CUL1: variants seen among roughly 807,000 people sequenced by gnomAD.
CUL1 encodes cullin 1, also known as cullin-1.
Under a neutral mutation model 118.0 loss-of-function variants are expected in CUL1, and 24 were observed. The observed-to-expected ratio is 0.20, with a 90% CI of 0.15 to 0.29. The LOEUF is 0.29. Ranked by LOEUF, CUL1 falls within the 10% of genes least tolerant of loss-of-function variation. The pLI is 1.00. For synonymous variants in CUL1, 332 were observed against 340.4 expected (o/e 0.98, Z 0.27); for missense variants, 361 against 933.8 (o/e 0.39, Z 7.99).
At chr7:148,733,804 T>C (rs895858177) in intron 2 of CUL1, among the ~76,000 whole-genome samples, 1 of 152,204 alleles carries the variant, frequency 6.6e-6, no homozygotes, top group African/African-American at 2.4e-5. Context: ...CTCTGGCTAG[T>C]AGTTAACAGC....
Position 148,793,503 on chromosome 7 carries a change from A to G in CUL1, c.1899+685A>G, listed in dbSNP as rs191960534. The stretch of plus-strand genomic sequence containing the variant: ...CCTGACAACCATTAATTTGCTATCA[A>G]TTTGCCTACTCCAGACATTTCATAT... On this transcript the variant is annotated intron_variant, in intron 17 of 21. Transcript: ENST00000325222. 4.6e-5 allele frequency among the ~76,000 whole-genome samples: 7 copies of G among 152,240 alleles called. No individual in the cohort carries two copies. In the East Asian group the frequency reaches 9.7e-4, roughly 21 times the overall value.
At chr7:148,727,414 C>A (rs939008907) in intron 1 of CUL1, among the ~76,000 whole-genome samples, 1 of 152,174 alleles carries the variant, frequency 6.6e-6, no homozygotes, top group South Asian at 2.1e-4. Context: ...CTTTTTAAGA[C>A]ATAAAGCTTT....
intron 2 of CUL1, among the ~76,000 whole-genome samples, chr7:148,736,739 C>G (rs932188574): frequency 3.3e-5 from 5 of 152,202 alleles, no homozygotes; most frequent in Non-Finnish European, 5.9e-5. Context: ...TGGAAAACAA[C>G]CTCAATCTTC....
Position 148,787,931 on chromosome 7 carries a change from G to A in CUL1, c.1480-626G>A, listed in dbSNP as rs545041852. On this transcript the variant is annotated intron_variant, in intron 13 of 21. Transcript: ENST00000325222. This position sits in a 1 kb window ranked among gnomAD's most constrained non-coding sequence, Gnocchi z 5.5. ...CTTTGTCAGCGTGGGCTGCCATGACGGAATACCATAGACCAGGTAGCTTAA... is the reference window on the plus strand; with the variant it reads ...CTTTGTCAGCGTGGGCTGCCATGACAGAATACCATAGACCAGGTAGCTTAA... Among the ~76,000 whole-genome samples, 5 of 152,310 alleles carry A rather than the reference G, an allele frequency of 3.3e-5. No individual in the cohort carries two copies. Among genetic ancestry groups the A allele is most frequent in the East Asian group, 1.9e-4 (1 of 5,190 alleles).
chr7:148,754,414 C>G (rs1424645980), intron 3 of CUL1, among the ~76,000 whole-genome samples: 3 of 151,846 alleles, frequency 2.0e-5, no homozygotes, highest in Non-Finnish European at 2.9e-5. Context: ...CTCAAGTGAT[C>G]CTTCCACTTC....
rs764344330 is a variant in CUL1, at chr7:148,787,259, G to A, written c.1479+139G>A. 5.6e-5 allele frequency: 41 copies of A among 736,672 alleles called. No individual in the cohort carries two copies. The highest frequency in any genetic ancestry group is 2.4e-4 in the East Asian group (8 of 33,120). The allele number at this position is 736,672 out of a possible 1,614,324, so 45.6% of individuals were successfully genotyped here. On this transcript the variant is annotated intron_variant, in intron 13 of 21. Coordinates refer to ENST00000325222, the MANE Select transcript of CUL1 (RefSeq NM_003592.3). This position sits in a 1 kb window ranked among gnomAD's most constrained non-coding sequence, Gnocchi z 5.5. ...GGGCAGATCACGAGGTCAGGAGATC[G>A]AGACCATCCTGGCTAATATGGAGAA...
rs1563166088 is a variant in CUL1, at chr7:148,776,294, TAACATAACCAGGC to T, written c.1084-7488_1084-7476del. 1.9e-3 allele frequency among the ~76,000 whole-genome samples: 244 copies of T among 129,102 alleles called. 6 individuals are homozygous for T. Among genetic ancestry groups the T allele is most frequent in the African/African-American group, 7.2e-3 (238 of 33,240 alleles). The allele number at this position is 129,102 out of a possible 152,430, so 84.7% of individuals were successfully genotyped here. A position where few individuals can be genotyped will look rare whatever the true frequency, so the allele number is the denominator to read the frequency against. On this transcript the variant is annotated intron_variant, in intron 9 of 21. Transcript: ENST00000325222. ...TGTACACATTTGTCATTTTGGAGTC[TAACATAACCAGGC>T]TTTTTTTTTTTTTTTTTTTTTTTTT...
In CUL1 at chr7:148,798,648, A is replaced by G. The variant is rs1251072526; in HGVS notation, c.2107A>G (p.Ile703Val). Reference sequence around the variant, plus strand: ...GGAACAAGAAACCACACACAAAAACATCGAGGAAGACCGCAAACTACTGAT... The same window carrying G: ...GGAACAAGAAACCACACACAAAAACGTCGAGGAAGACCGCAAACTACTGAT... ...KQEQETTHKN[I>V]EEDRKLLIQA... Residue 703 changes from isoleucine to valine, a missense_variant, in exon 20 of 22, where the codon ATC (isoleucine) becomes GTC (valine). This residue lies in a region of CUL1 where 24 missense variants were observed against 126.7 expected (regional missense o/e 0.19). Coordinates refer to ENST00000325222, the MANE Select transcript of CUL1 (RefSeq NM_003592.3). 3.7e-6 allele frequency: 6 copies of G among 1,613,958 alleles called. No homozygotes were observed. The African/African-American group carries it at 8.0e-5, about 22-fold the overall frequency.
At chr7:148,735,016 C>T (rs1798892491) in intron 2 of CUL1, among the ~76,000 whole-genome samples, 1 of 152,034 alleles carries the variant, frequency 6.6e-6, no homozygotes, top group Non-Finnish European at 1.5e-5. Flanking sequence ...TGTTCCTTAG[C>T]CTGTTTTTTC....
At chr7:148,699,760 C>T (rs1336372767) in intron 1 of CUL1, among the ~76,000 whole-genome samples, 1 of 152,076 alleles carries the variant, frequency 6.6e-6, no homozygotes, top group African/African-American at 2.4e-5. Context: ...AGCCCCCCGG[C>T]GCCCGCCTAT....
intron 1 of CUL1, among the ~76,000 whole-genome samples, chr7:148,727,998 T>C (rs1357450520): frequency 1.3e-5 from 2 of 152,084 alleles, no homozygotes; most frequent in Non-Finnish European, 2.9e-5. Context: ...ATGTCAAGAA[T>C]GATACAAGCA....
intron 17 of CUL1, among the ~76,000 whole-genome samples, chr7:148,795,769 CAAAAA>C (rs915978562): frequency 8.9e-5 from 5 of 56,100 alleles, no homozygotes; most frequent in Admixed American, 4.1e-4. Context: ...GACTCTGTCT[CAAAAA>C]AAAAAAAAAA....
intron 9 of CUL1, among the ~76,000 whole-genome samples, chr7:148,782,380 A>G (rs192340104): frequency 6.6e-6 from 1 of 152,370 alleles, no homozygotes; most frequent in Non-Finnish European, 1.5e-5. Context: ...TGGGATAGCC[A>G]TGAAACAAAG....
chr7:148,744,181 G>A (rs1175747420), intron 2 of CUL1, among the ~76,000 whole-genome samples: 5 of 151,982 alleles, frequency 3.3e-5, no homozygotes, highest in African/African-American at 1.2e-4. Context: ...ATATAGAGCG[G>A]TCTTGCTGCT....
At chr7:148,749,401 G>A (rs1423467506) in intron 2 of CUL1, among the ~76,000 whole-genome samples, 3 of 114,438 alleles carry the variant, frequency 2.6e-5, no homozygotes, top group African/African-American at 3.5e-5. Context: ...GGGCAACAGA[G>A]TGAGACTCCA....
chr7:148,788,862 C>G (rs113111565), intron 14 of CUL1, among the ~76,000 whole-genome samples, 188 bp downstream of exon 14: 285 of 152,340 alleles, frequency 1.9e-3, no homozygotes, highest in African/African-American at 6.7e-3. Flanking sequence ...GAGATGACAA[C>G]CCTTGAAGTG....
chr7:148,728,812 A>G (rs1316333734), intron 1 of CUL1, among the ~76,000 whole-genome samples: 1 of 152,180 alleles, frequency 6.6e-6, no homozygotes, highest in Admixed American at 6.5e-5. Flanking sequence ...GGGTCCCTAA[A>G]TGTGCCTTAG....
At chr7:148,718,836 A>G (rs1017431198) in intron 1 of CUL1, among the ~76,000 whole-genome samples, 22 of 152,204 alleles carry the variant, frequency 1.4e-4, no homozygotes, top group Admixed American at 1.2e-3. Context: ...TTGGGTAACA[A>G]CAGGAACCAG....
intron 2 of CUL1, among the ~76,000 whole-genome samples, chr7:148,746,998 G>A (rs998097181): frequency 6.6e-6 from 1 of 152,188 alleles, no homozygotes; most frequent in African/African-American, 2.4e-5. Context: ...GCAATGCTGT[G>A]ATAGTTTGCT....
Sources: allele counts gnomAD v4.1 joint callset (sites outside exome capture counted in the v4.1 genomes callset), GRCh38; gene constraint gnomAD v4.1.1; regional missense constraint gnomAD v4.1.1; non-coding constraint Gnocchi (gnomAD v3.1); transcripts MANE v1.5; gene names NCBI Gene and HGNC (gene_info 2026-07-23, HGNC 2026-07-21).